SRPK2: variants seen among roughly 807,000 people sequenced by gnomAD.
SRPK2 encodes the protein SFRS protein kinase 2.
In SRPK2, 21 loss-of-function variants were observed where a neutral mutation model predicts 90.8. That is an observed-to-expected ratio of 0.23 (90% CI 0.16 to 0.33). SRPK2 has a LOEUF of 0.33. Among genes scored for constraint, SRPK2 ranks in the 10% least tolerant of loss-of-function variants. SRPK2 has a pLI of 1.00. For synonymous variants in SRPK2, 288 were observed against 311.1 expected (o/e 0.93, Z 0.78); for missense variants, 620 against 869.0 (o/e 0.71, Z 3.60).
intron 2 of SRPK2, among the ~76,000 whole-genome samples, chr7:105,220,265 G>C (rs1280657980): frequency 2.6e-5 from 4 of 152,160 alleles, no homozygotes. Flanking sequence ...TGTGCCGGGT[G>C]TGGTGGCTCA....
At chr7:105,372,328 G>C (rs890642669) in intron 2 of SRPK2, among the ~76,000 whole-genome samples, 1 of 151,992 alleles carries the variant, frequency 6.6e-6, no homozygotes, top group Non-Finnish European at 1.5e-5. Flanking sequence ...AAAAATATTT[G>C]TAACTAACTT....
In SRPK2 at chr7:105,142,114, G is replaced by A. The variant is rs1385142060; in HGVS notation, c.1437C>T (p.Gly479=). ...GTGGTGATCCCTCAGAAAGCACAGA[G>A]CCGCAGGCCACAGGTTCTAAGGATC... ...FSGSLEPVAC[G]SVLSEGSPLT... The change falls in exon 11 of 16, where the codon GGC becomes GGT. Residue 479 remains glycine, a synonymous_variant. Transcript: ENST00000393651. 1 of 1,614,194 alleles carries A rather than the reference G, an allele frequency of 6.2e-7. No individual in the cohort carries two copies. Among genetic ancestry groups the A allele is most frequent in the East Asian group, 2.2e-5 (1 of 44,880 alleles).
At chr7:105,197,380 T>C (rs1331531716) in intron 3 of SRPK2, among the ~76,000 whole-genome samples, 1 of 152,196 alleles carries the variant, frequency 6.6e-6, no homozygotes, top group Non-Finnish European at 1.5e-5. Flanking sequence ...AGGTTAAGTA[T>C]TCCGGAGAAC....
intron 2 of SRPK2, among the ~76,000 whole-genome samples, chr7:105,324,273 C>T (rs1410845065): frequency 1.3e-5 from 2 of 151,816 alleles, no homozygotes; most frequent in African/African-American, 2.4e-5. Context: ...TCCCAAAGTG[C>T]TGGGATTACA....
rs188634103 is a variant in SRPK2, at chr7:105,350,366, G to A, written c.71+38282C>T. On this transcript the variant is annotated intron_variant, in intron 2 of 15. Coordinates refer to ENST00000393651, the MANE Select transcript of SRPK2 (RefSeq NM_182692.3). ...AGGATGTTCTCGATCTCCTGAACTC[G>A]CATCCACCCACCTTGGCCTCCCAAA... Among the ~76,000 whole-genome samples the A allele has an allele frequency of 2.6e-3, 389 of 149,894 alleles. 1 individual carries two copies. Among genetic ancestry groups the A allele is most frequent in the African/African-American group, 8.8e-3 (357 of 40,748 alleles).
chr7:105,368,426 A>G (rs1040474197), intron 2 of SRPK2, among the ~76,000 whole-genome samples: 1 of 152,192 alleles, frequency 6.6e-6, no homozygotes, highest in Admixed American at 6.6e-5. Flanking sequence ...GGTTCTTACA[A>G]TAATCTCTCT....
At chr7:105,359,380 G>A (rs757297673) in intron 2 of SRPK2, among the ~76,000 whole-genome samples, 3 of 151,744 alleles carry the variant, frequency 2.0e-5, no homozygotes, top group South Asian at 2.1e-4. Flanking sequence ...GGATGGCCTC[G>A]AAGTCCTGAC....
At chr7:105,389,300 C>T (rs1413353769), upstream of SRPK2, 4 of 1,278,578 alleles carry the variant, frequency 3.1e-6, no homozygotes, top group South Asian at 1.3e-5. Context: ...GGCGCCTCCG[C>T]GGGTCTCGCA....
At chr7:105,396,617 C>T (rs1038911971) in intron 1 of SRPK2, among the ~76,000 whole-genome samples, 7 of 146,236 alleles carry the variant, frequency 4.8e-5, no homozygotes, top group African/African-American at 1.5e-4. Context: ...GGCAACAGAG[C>T]GACACTCCGT....
chr7:105,181,881 T>TAAAAAAA lies in SRPK2; in HGVS notation c.230-12623_230-12617dup, dbSNP rs755821029. ...TGTACCCCTGAACCTAAGATAAAAGTAAAAAAAAAAAAAAACAGAAAACAC... is the reference window on the plus strand; with the variant it reads ...TGTACCCCTGAACCTAAGATAAAAGTAAAAAAAAAAAAAAAAAAAAAACAGAAAACAC... On this transcript the variant is annotated intron_variant, in intron 3 of 15. Transcript: ENST00000393651. Among the ~76,000 whole-genome samples the TAAAAAAA allele has an allele frequency of 7.1e-4, 60 of 84,786 alleles. 1 individual carries two copies. Among genetic ancestry groups the TAAAAAAA allele is most frequent in the Non-Finnish European group, 1.2e-3 (44 of 37,848 alleles). The allele number at this position is 84,786 out of a possible 152,430, so 55.6% of individuals were successfully genotyped here. A position where few individuals can be genotyped will look rare whatever the true frequency, so the allele number is the denominator to read the frequency against.
intron 2 of SRPK2, among the ~76,000 whole-genome samples, chr7:105,295,884 GAATGGCTATAAAAGT>G (rs1298190129): frequency 6.6e-6 from 1 of 152,174 alleles, no homozygotes; most frequent in Non-Finnish European, 1.5e-5. Context: ...TGAGGATTAA[GAATGGCTATAAAAGT>G]CACCTCAAAT....
intron 6 of SRPK2, among the ~76,000 whole-genome samples, chr7:105,161,214 C>T (rs1262821462): frequency 3.9e-5 from 6 of 152,082 alleles, no homozygotes; most frequent in Non-Finnish European, 8.8e-5. Context: ...CATGAGCCAC[C>T]GTGCCCAGCC....
At chr7:105,163,853 G>A (rs1225139825) in intron 6 of SRPK2, among the ~76,000 whole-genome samples, 1 of 152,026 alleles carries the variant, frequency 6.6e-6, no homozygotes, top group Non-Finnish European at 1.5e-5. Flanking sequence ...GAGGACAGAT[G>A]ACAGCACAAA....
intron 2 of SRPK2, among the ~76,000 whole-genome samples, chr7:105,255,364 G>A: frequency 6.6e-6 from 1 of 151,808 alleles, no homozygotes; most frequent in Non-Finnish European, 1.5e-5. Flanking sequence ...ACCTTCTACT[G>A]TGATCTGCAT....
chr7:105,317,539 T>C (rs1812443812), intron 2 of SRPK2, among the ~76,000 whole-genome samples: 2 of 152,184 alleles, frequency 1.3e-5, no homozygotes, highest in African/African-American at 4.8e-5. Flanking sequence ...GACAGACATT[T>C]TTCTCAAAAG....
chr7:105,221,742 T>C (rs1798124369), intron 2 of SRPK2, among the ~76,000 whole-genome samples: 1 of 152,162 alleles, frequency 6.6e-6, no homozygotes, highest in African/African-American at 2.4e-5. Flanking sequence ...CCCATCTTCC[T>C]TTTTAACAGA....
chr7:105,188,991 G>T lies in SRPK2; in HGVS notation c.229+14637C>A, dbSNP rs73715438. On this transcript the variant is annotated intron_variant, in intron 3 of 15. Transcript: ENST00000393651. Reference sequence around the variant, plus strand: ...AGCCTAAAGGGGGTGGAGGGAGGAAGGGACAGAGAATGAGCTAAGAAGAAG... The same window carrying T: ...AGCCTAAAGGGGGTGGAGGGAGGAATGGACAGAGAATGAGCTAAGAAGAAG... Among the ~76,000 whole-genome samples the T allele has an allele frequency of 1.3e-4, 20 of 152,230 alleles. 1 individual carries two copies. The South Asian group carries it at 3.3e-3, about 25-fold the overall frequency.
At chr7:105,234,213 A>G (rs1037032105) in intron 2 of SRPK2, among the ~76,000 whole-genome samples, 1 of 152,228 alleles carries the variant, frequency 6.6e-6, no homozygotes, top group African/African-American at 2.4e-5. Flanking sequence ...AAAGATTTAT[A>G]CTAGTAGTTG....
At chr7:105,396,459 A>T (rs1287630376) in intron 1 of SRPK2, among the ~76,000 whole-genome samples, 1 of 151,736 alleles carries the variant, frequency 6.6e-6, no homozygotes, top group Non-Finnish European at 1.5e-5. Context: ...AACACGGCGA[A>T]ATCTCATATC....
Sources: gnomAD v4.1 joint callset for allele counts (sites outside exome capture counted in the v4.1 genomes callset) on GRCh38, gnomAD v4.1.1 for gene constraint, MANE v1.5 for transcripts, NCBI Gene and HGNC (gene_info 2026-07-23, HGNC 2026-07-21) for gene names.